Variants in ITPRID1 observed in about 807,000 individuals in gnomAD.
The protein encoded by ITPRID1 is protein ITPRID1.
ITPRID1 carries 96 observed loss-of-function variants against 95.4 expected under a neutral mutation model. The ratio of observed to expected loss-of-function variants is 1.01; its 90% confidence interval spans 0.85 to 1.19. The LOEUF (loss-of-function observed/expected upper bound fraction) is 1.19, where lower values mean the gene tolerates loss of function less well. Ranked by LOEUF, ITPRID1 falls within the 50% of genes most tolerant of loss-of-function variation. The pLI is 0.00. For missense variants in ITPRID1, 1,339 were observed against 1,252.9 expected (o/e 1.07, Z -1.04); for synonymous variants, 510 against 453.6 (o/e 1.12, Z -1.58).
intron 12 of ITPRID1, among the ~76,000 whole-genome samples, chr7:31,645,657 T>C (rs1318309361): frequency 1.3e-5 from 2 of 152,160 alleles, no homozygotes; most frequent in Non-Finnish European, 2.9e-5. Context: ...GGATTTTAAA[T>C]GCCCTAAGTA....
At chr7:31,650,380 C>T (rs1317235756) in intron 12 of ITPRID1, among the ~76,000 whole-genome samples, 3 of 152,028 alleles carry the variant, frequency 2.0e-5, no homozygotes, top group Non-Finnish European at 4.4e-5. Context: ...GTGGTCAAGT[C>T]TGTTAGTGGA....
At chr7:31,559,794 C>T (rs1287774680) in intron 5 of ITPRID1, among the ~76,000 whole-genome samples, 2 of 152,156 alleles carry the variant, frequency 1.3e-5, no homozygotes, top group African/African-American at 4.8e-5. Context: ...TCCTGCAGCC[C>T]ATATCTCCCC....
intron 1 of ITPRID1, among the ~76,000 whole-genome samples, chr7:31,522,735 A>G (rs1783306001): frequency 6.6e-6 from 1 of 152,196 alleles, no homozygotes; most frequent in Admixed American, 6.5e-5. Context: ...AGCTGTGTAG[A>G]ACACAATCTT....
rs573859269 is a variant in ITPRID1 at position 31,606,850 on chromosome 7, A to G, written c.1228+23659A>G. Among the ~76,000 whole-genome samples the G allele has an allele frequency of 1.1e-3, 164 of 152,194 alleles. 1 individual carries two copies. The highest frequency in any genetic ancestry group is 3.8e-3 in the African/African-American group (157 of 41,526). The stretch of plus-strand genomic sequence containing the variant: ...GGCAACTCTTTCTATGCCTTTCAAT[A>G]TCTTCTCAATATACTTTTTTCAAGA... On this transcript the variant is annotated intron_variant, in intron 10 of 14. Coordinates refer to ENST00000615280, the MANE Select transcript of ITPRID1 (RefSeq NM_001257967.3).
intron 12 of ITPRID1, among the ~76,000 whole-genome samples, chr7:31,645,714 G>T (rs1790405593): frequency 6.6e-6 from 1 of 152,130 alleles, no homozygotes; most frequent in Admixed American, 6.6e-5. Context: ...ACTCCCAGAT[G>T]ACATTTCGTG....
At chr7:31,621,546 A>C (rs1283135564) in intron 10 of ITPRID1, among the ~76,000 whole-genome samples, 1 of 148,112 alleles carries the variant, frequency 6.8e-6, no homozygotes, top group Non-Finnish European at 1.5e-5. Context: ...CTTTGCAGAC[A>C]AGCAAATGCT....
intron 11 of ITPRID1, 22 bp downstream of exon 11, chr7:31,642,280 C>T (rs755274638): frequency 2.0e-6 from 3 of 1,491,494 alleles, no homozygotes; most frequent in Middle Eastern, 1.8e-4. Flanking sequence ...TGGAACAGGG[C>T]CCTGTTGCTC....
At chr7:31,539,410 C>T (rs1783860939) in intron 1 of ITPRID1, among the ~76,000 whole-genome samples, 1 of 152,124 alleles carries the variant, frequency 6.6e-6, no homozygotes, top group Non-Finnish European at 1.5e-5. Flanking sequence ...GTCTTGAACT[C>T]CTAAGCTCAG....
intron 1 of ITPRID1, among the ~76,000 whole-genome samples, chr7:31,519,620 C>CTCTCTCTCTATATA: frequency 7.1e-4 from 18 of 25,256 alleles, no homozygotes; most frequent in Admixed American, 1.2e-3. Context: ...CTCTCTCTCT[C>CTCTCTCTCTATATA]TATATATATA....
At position 31,628,860 on chromosome 7, in the gene ITPRID1, C is replaced by T. The variant is rs192427959; in HGVS notation, c.1229-13316C>T. On this transcript the variant is annotated intron_variant, in intron 10 of 14. Coordinates refer to ENST00000615280, the MANE Select transcript of ITPRID1 (RefSeq NM_001257967.3). ...GCACTATTTCTTCTTACTGTCTGAA[C>T]ATTTGATGTAATCCCTGCCAATCAA... Among the ~76,000 whole-genome samples, 10 of 152,300 alleles carry T rather than the reference C, an allele frequency of 6.6e-5. No homozygotes were observed. The East Asian group carries it at 1.2e-3, about 18-fold the overall frequency.
At chr7:31,557,278 A>T (rs1784479286) in intron 5 of ITPRID1, among the ~76,000 whole-genome samples, 1 of 152,110 alleles carries the variant, frequency 6.6e-6, no homozygotes, top group African/African-American at 2.4e-5. Flanking sequence ...GAGGCTTTGT[A>T]CACTAAGGTA....
At chr7:31,514,462 C>G (rs996694728) in intron 1 of ITPRID1, among the ~76,000 whole-genome samples, 2 of 152,010 alleles carry the variant, frequency 1.3e-5, no homozygotes, top group African/African-American at 4.8e-5. Flanking sequence ...TGGCCATTTC[C>G]TGGATGGGGG....
chr7:31,527,458 A>G (rs1278406596), intron 1 of ITPRID1, among the ~76,000 whole-genome samples: 1 of 112,536 alleles, frequency 8.9e-6, no homozygotes, highest in Non-Finnish European at 2.0e-5. Context: ...GTAGATCCAA[A>G]TAGGTTATAA....
intron 10 of ITPRID1, among the ~76,000 whole-genome samples, chr7:31,629,152 T>A (rs1293040361): frequency 6.6e-6 from 1 of 152,194 alleles, no homozygotes; most frequent in Non-Finnish European, 1.5e-5. Flanking sequence ...TAAATTAAAA[T>A]TTGTCATTGC....
In ITPRID1 at chr7:31,539,779, A is replaced by G. The variant is rs189942741; in HGVS notation, c.-97-9647A>G. Reference sequence around the variant, plus strand: ...GAGACAGCTTAATCACAGGCTCAGAATGTTTCTGTGTGGGGGAGAAGTTTA... The same window carrying G: ...GAGACAGCTTAATCACAGGCTCAGAGTGTTTCTGTGTGGGGGAGAAGTTTA... On this transcript the variant is annotated intron_variant, in intron 1 of 14. Transcript: ENST00000615280. 2.4e-3 allele frequency among the ~76,000 whole-genome samples: 359 copies of G among 152,180 alleles called. 1 individual carries two copies. The highest frequency in any genetic ancestry group is 8.0e-3 in the African/African-American group (333 of 41,524).
chr7:31,538,121 A>C (rs1783819425), intron 1 of ITPRID1, among the ~76,000 whole-genome samples: 1 of 152,182 alleles, frequency 6.6e-6, no homozygotes. Flanking sequence ...TTTCCTTTGA[A>C]AAAATATTTG....
intron 10 of ITPRID1, among the ~76,000 whole-genome samples, chr7:31,628,316 C>A (rs1219860779): frequency 1.3e-5 from 2 of 152,044 alleles, no homozygotes; most frequent in African/African-American, 2.4e-5. Flanking sequence ...GTAACAGGGG[C>A]AAGGAAGGAC....
chr7:31,544,738 TTAG>T (rs1368178345), intron 1 of ITPRID1, among the ~76,000 whole-genome samples: 3 of 152,176 alleles, frequency 2.0e-5, no homozygotes, highest in African/African-American at 7.2e-5. Context: ...TTTAATTGAA[TTAG>T]TAGATATCAT....
chr7:31,565,977 T>C (rs1337305878), intron 5 of ITPRID1, among the ~76,000 whole-genome samples: 1 of 152,178 alleles, frequency 6.6e-6, no homozygotes, highest in East Asian at 1.9e-4. Context: ...AATGGTCCAC[T>C]TTGCACATTC....
Sources: allele counts gnomAD v4.1 joint callset (sites outside exome capture counted in the v4.1 genomes callset), GRCh38; gene constraint gnomAD v4.1.1; transcripts MANE v1.5; gene names NCBI Gene and HGNC (gene_info 2026-07-23, HGNC 2026-07-21).